SEM1: variants seen among roughly 807,000 people sequenced by gnomAD.
The protein encoded by SEM1 is 26S proteasome complex subunit SEM1.
In SEM1, 3 loss-of-function variants were observed where a neutral mutation model predicts 12.7. The ratio of observed to expected loss-of-function variants is 0.24; its 90% CI spans 0.11 to 0.61. The LOEUF (loss-of-function observed/expected upper bound fraction) is 0.61. SEM1 is among the 20% of genes least tolerant of loss of function. The probability of loss-of-function intolerance (pLI) is 0.88; values close to 1 mark genes in which losing one functional copy is unlikely to be tolerated. For missense variants in SEM1, 59 were observed against 81.3 expected, an observed-to-expected ratio of 0.73 and a Z score of 1.06; for synonymous variants, 30 against 27.8, an observed-to-expected ratio of 1.08 and a Z score of -0.25.
chr7:96,626,234 C>T (rs1380105222), intron 2 of SEM1, among the ~76,000 whole-genome samples: 4 of 152,032 alleles, frequency 2.6e-5, no homozygotes, highest in Admixed American at 1.3e-4. Flanking sequence ...AGTGCAATTG[C>T]TTTGATTTTT....
At chr7:96,522,376 G>C (rs1394264907) in intron 2 of SEM1, among the ~76,000 whole-genome samples, 1 of 152,090 alleles carries the variant, frequency 6.6e-6, no homozygotes, top group Non-Finnish European at 1.5e-5. Context: ...GGCAGTTTGT[G>C]TCCTAAACTT....
intron 2 of SEM1, among the ~76,000 whole-genome samples, chr7:96,608,621 T>A (rs1807453838): frequency 6.6e-6 from 1 of 152,144 alleles, no homozygotes; most frequent in Admixed American, 6.5e-5. Flanking sequence ...CAACCACTAG[T>A]CTACTTTCTG....
chr7:96,625,195 TCTC>T (rs1311311152), intron 2 of SEM1, among the ~76,000 whole-genome samples: 1 of 152,094 alleles, frequency 6.6e-6, no homozygotes, highest in Non-Finnish European at 1.5e-5. Flanking sequence ...ACTGCCTCCT[TCTC>T]CTCCCACACC....
intron 2 of SEM1, among the ~76,000 whole-genome samples, chr7:96,616,061 T>G (rs147449525): frequency 0.011 from 1,672 of 152,334 alleles, 11 homozygotes; most frequent in Middle Eastern, 0.027. Context: ...ATATACCTAG[T>G]AGTGAGACTG....
chr7:96,662,147 T>C (rs1171227580), intron 2 of SEM1, among the ~76,000 whole-genome samples: 1 of 152,132 alleles, frequency 6.6e-6, no homozygotes, highest in African/African-American at 2.4e-5. Flanking sequence ...AGAAATGCCA[T>C]TTGACCCAGC....
intron 2 of SEM1, among the ~76,000 whole-genome samples, chr7:96,612,879 C>A (rs1364700007): frequency 6.6e-6 from 1 of 152,214 alleles, no homozygotes. Context: ...TCATGATCCG[C>A]CTGCCTCGGC....
At chr7:96,636,130 C>T (rs1412921139) in intron 2 of SEM1, among the ~76,000 whole-genome samples, 2 of 151,998 alleles carry the variant, frequency 1.3e-5, no homozygotes, top group African/African-American at 4.8e-5. Flanking sequence ...GTGCAACAGA[C>T]TATTGGCTTT....
downstream of SEM1, among the ~76,000 whole-genome samples, chr7:96,618,168 T>G (rs891426647): frequency 3.3e-5 from 5 of 152,186 alleles, no homozygotes; most frequent in Non-Finnish European, 7.4e-5. Flanking sequence ...TTTTTTGTTG[T>G]TGTTGGGAGA....
chr7:96,654,900 T>A (rs1286116846), intron 2 of SEM1, among the ~76,000 whole-genome samples: 1 of 152,138 alleles, frequency 6.6e-6, no homozygotes. Context: ...AGGTGTATGA[T>A]GTCGCAAGCT....
At chr7:96,554,364 C>T (rs1319125089) in intron 2 of SEM1, among the ~76,000 whole-genome samples, 7 of 123,250 alleles carry the variant, frequency 5.7e-5, no homozygotes, top group Admixed American at 4.4e-4. Flanking sequence ...TTTTGAAATA[C>T]ATCCCATCAA....
rs568230759 is a variant in SEM1, at chr7:96,528,915, G to A, written c.171-22217C>T. 7.5e-4 allele frequency among the ~76,000 whole-genome samples: 114 copies of A among 152,062 alleles called. 1 individual carries two copies. Among genetic ancestry groups the A allele is most frequent in the Non-Finnish European group, 8.1e-4 (55 of 68,010 alleles). On this transcript the variant is annotated intron_variant and NMD_transcript_variant, in intron 2 of 3. Coordinates refer to the SEM1 transcript ENST00000466986. The stretch of plus-strand genomic sequence containing the variant: ...ATACCATTTGATAACCTTAGATATT[G>A]TATTCTAAAATATATTCCCGTACCT...
chr7:96,579,925 A>G (rs1408721281), intron 2 of SEM1, among the ~76,000 whole-genome samples: 1 of 145,630 alleles, frequency 6.9e-6, no homozygotes, highest in Non-Finnish European at 1.5e-5. Flanking sequence ...TAAATTTTAA[A>G]AAATTTAAAA....
At chr7:96,646,596 A>C (rs1343308065) in intron 2 of SEM1, among the ~76,000 whole-genome samples, 1 of 152,198 alleles carries the variant, frequency 6.6e-6, no homozygotes, top group East Asian at 1.9e-4. Flanking sequence ...GGCTGTCTAT[A>C]ATATGCAAGG....
downstream of SEM1, among the ~76,000 whole-genome samples, chr7:96,619,365 G>A (rs904554938): frequency 6.6e-6 from 1 of 152,072 alleles, no homozygotes; most frequent in African/African-American, 2.4e-5. Context: ...CGGTACACAG[G>A]ATCAGTGGTA....
rs529337290 is a variant in SEM1 at position 96,640,086 on chromosome 7, G to A, written c.171-17443C>T. 4.6e-5 allele frequency among the ~76,000 whole-genome samples: 7 copies of A among 152,122 alleles called. No individual in the cohort carries two copies. The South Asian group carries it at 1.5e-3, about 32-fold the overall frequency. ...AATACTAAATGCTGGTGAGGATGTA[G>A]AGCAACAGGAATTATCATTCACTGC... On this transcript the variant is annotated intron_variant, in intron 2 of 2. Coordinates refer to the SEM1 transcript ENST00000417009. The surrounding 1 kb of genome is among the most constrained non-coding windows in gnomAD (Gnocchi z 4.0).
chr7:96,709,637 G>C, intron 1 of SEM1, 51 bp downstream of exon 1: 1 of 1,574,688 alleles, frequency 6.4e-7, no homozygotes, highest in Non-Finnish European at 8.7e-7. Context: ...CCTCCACACG[G>C]AGGCCTGAGT....
chr7:96,674,261 C>G, intron 2 of SEM1, among the ~76,000 whole-genome samples: 1 of 152,110 alleles, frequency 6.6e-6, no homozygotes, highest in East Asian at 1.9e-4. Context: ...GCTTTACTTA[C>G]CAACAAAATA....
intron 2 of SEM1, among the ~76,000 whole-genome samples, chr7:96,693,760 T>TGTGTGTGTG (rs1790002060): frequency 7.2e-5 from 10 of 139,568 alleles, no homozygotes; most frequent in Admixed American, 1.5e-4. Flanking sequence ...ACAATTCCAC[T>TGTGTGTGTG]TGTGTGTGTG....
At chr7:96,637,703 C>G (rs1487045889) in intron 2 of SEM1, among the ~76,000 whole-genome samples, 2 of 151,954 alleles carry the variant, frequency 1.3e-5, no homozygotes, top group African/African-American at 2.4e-5. Context: ...AATGGCTGCC[C>G]TTTAGTCTGA....
Sources: gnomAD v4.1 joint callset for allele counts (sites outside exome capture counted in the v4.1 genomes callset) on GRCh38, gnomAD v4.1.1 for gene constraint, Gnocchi (gnomAD v3.1) non-coding constraint, MANE v1.5 for transcripts, NCBI Gene and HGNC (gene_info 2026-07-23, HGNC 2026-07-21) for gene names.